Variants in DNAJB4 observed in about 807,000 individuals in gnomAD.
DNAJB4 encodes DnaJ heat shock protein family (Hsp40) member B4.
DNAJB4 carries 10 observed loss-of-function variants against 26.6 expected under a neutral mutation model. The observed-to-expected ratio is 0.38, with a 90% CI of 0.23 to 0.64. The LOEUF is 0.64. DNAJB4 is among the 30% of genes least tolerant of loss of function. The pLI, the probability that DNAJB4 is intolerant of heterozygous loss-of-function variation, is 0.58. For synonymous variants in DNAJB4, 136 were observed against 134.8 expected (o/e 1.01, Z -0.06); for missense variants, 328 against 408.2 (o/e 0.80, Z 1.69).
intron 1 of DNAJB4, 61 bp downstream of exon 1, chr1:78,005,382 C>G: frequency 7.2e-7 from 1 of 1,389,306 alleles, no homozygotes. Context: ...TTTTTTCTCT[C>G]TCTCTGCCAG....
At chr1:77,982,036 A>G (rs1024144696) in intron 1 of DNAJB4, among the ~76,000 whole-genome samples, 17 of 152,240 alleles carry the variant, frequency 1.1e-4, no homozygotes, top group African/African-American at 4.1e-4. Flanking sequence ...TGTTAGATTG[A>G]AAGTTTGGGA....
In DNAJB4 at chr1:78,016,080, G is replaced by T; in HGVS notation, c.847G>T (p.Asp283Tyr). Residue 283 changes from aspartate to tyrosine, a missense_variant, in exon 3 of 3, where the codon GAT becomes TAT. Coordinates refer to ENST00000370763, the MANE Select transcript of DNAJB4 (RefSeq NM_007034.5). ...AAGAAACATACCTATGTCAGTAAAT[G>T]ATATTGTGAAACCCGGAATGAGGAG... Reference protein sequence around the residue: ...DGRNIPMSVNDIVKPGMRRRI... With the variant: ...DGRNIPMSVNYIVKPGMRRRI... 1 of 1,614,062 alleles carries T rather than the reference G, an allele frequency of 6.2e-7. No homozygotes were observed. Among genetic ancestry groups the T allele is most frequent in the Non-Finnish European group, 8.5e-7 (1 of 1,180,006 alleles).
At position 78,017,314 on chromosome 1, in the gene DNAJB4, A is replaced by T. The variant is rs950494336; in HGVS notation, c.*1067A>T. 6.6e-6 allele frequency: 1 copy of T among 151,850 alleles called. No homozygotes were observed. The highest frequency in any genetic ancestry group is 1.5e-5 in the Non-Finnish European group (1 of 67,888). 9.4% of individuals were successfully genotyped at this position (151,850 alleles called of 1,614,324 possible). A position where few individuals can be genotyped will look rare whatever the true frequency, so the allele number is the denominator to read the frequency against. ...TTTTAAATATATTTATGTTTTAAAAATTTAGTTTTGTTTTCTGTTTTATAA... is the reference window on the plus strand; with the variant it reads ...TTTTAAATATATTTATGTTTTAAAATTTTAGTTTTGTTTTCTGTTTTATAA... On this transcript the variant is annotated 3_prime_UTR_variant, in exon 3 of 3. Coordinates refer to ENST00000370763, the MANE Select transcript of DNAJB4 (RefSeq NM_007034.5).
intron 1 of DNAJB4, among the ~76,000 whole-genome samples, chr1:77,996,226 C>T (rs569731034): frequency 6.6e-6 from 1 of 152,026 alleles, no homozygotes; most frequent in Non-Finnish European, 1.5e-5. Flanking sequence ...GATCACGGCT[C>T]ACCTGCAGCC....
At chr1:77,998,536 G>C (rs993942546) in intron 1 of DNAJB4, among the ~76,000 whole-genome samples, 1 of 152,168 alleles carries the variant, frequency 6.6e-6, no homozygotes, top group African/African-American at 2.4e-5. Context: ...AAGGTAAGAA[G>C]TGAATCTCTT....
chr1:77,981,931 A>G (rs1424654720), intron 1 of DNAJB4, among the ~76,000 whole-genome samples: 3 of 152,224 alleles, frequency 2.0e-5, no homozygotes, highest in South Asian at 2.1e-4. Flanking sequence ...TAGGATATAT[A>G]GGAAATAGAT....
At chr1:78,012,661 T>C (rs1478993671) in intron 1 of DNAJB4, among the ~76,000 whole-genome samples, 8 of 151,888 alleles carry the variant, frequency 5.3e-5, no homozygotes, top group Non-Finnish European at 1.2e-4. Flanking sequence ...AATACAAAAT[T>C]AGCCGGGCGT....
At chr1:77,987,645 T>C (rs2102588995) in intron 1 of DNAJB4, among the ~76,000 whole-genome samples, 1 of 152,302 alleles carries the variant, frequency 6.6e-6, no homozygotes, top group African/African-American at 2.4e-5. Context: ...AAGTCTGTTC[T>C]GTGTTTGCTG....
chr1:78,003,808 T>C (rs1016558311), upstream of DNAJB4, among the ~76,000 whole-genome samples: 1 of 152,152 alleles, frequency 6.6e-6, no homozygotes, highest in Non-Finnish European at 1.5e-5. Flanking sequence ...ATGATCTAAC[T>C]TTGTTAACAA....
At chr1:78,005,500 A>G (rs971578303) in intron 1 of DNAJB4, among the ~76,000 whole-genome samples, 179 bp downstream of exon 1, 1 of 152,218 alleles carries the variant, frequency 6.6e-6, no homozygotes, top group African/African-American at 2.4e-5. Flanking sequence ...ATCTCTGATC[A>G]TATGAATGAG....
At position 78,013,351 on chromosome 1, in the gene DNAJB4, T is replaced by A; in HGVS notation, c.512T>A (p.Ile171Lys). 6.2e-7 allele frequency: 1 copy of A among 1,614,144 alleles called. No individual in the cohort carries two copies. The highest frequency in any genetic ancestry group is 8.5e-7 in the Non-Finnish European group (1 of 1,180,030). Residue 171 changes from isoleucine (I) to lysine (K), a missense_variant, in exon 2 of 3, where the codon ATA (isoleucine) becomes AAA (lysine). Transcript: ENST00000370763. The part of the protein sequence containing the change: ...IHELRVSLEE[I>K]YSGCTKRMKI... ...GAACTTAGAGTATCACTTGAAGAGA[T>A]ATATAGTGGTTGTACCAAACGGATG...
intron 1 of DNAJB4, chr1:77,981,363 C>T (rs1353926536): frequency 6.6e-6 from 1 of 151,654 alleles, no homozygotes; most frequent in Non-Finnish European, 1.5e-5. Flanking sequence ...GTCACCCAGA[C>T]TGGAGTGCAG....
At chr1:77,998,621 C>T (rs1660119812) in intron 1 of DNAJB4, among the ~76,000 whole-genome samples, 1 of 152,112 alleles carries the variant, frequency 6.6e-6, no homozygotes, top group East Asian at 1.9e-4. Flanking sequence ...GGGTGGATCG[C>T]TTAAGCCCAG....
At chr1:78,002,419 A>T (rs145972861), upstream of DNAJB4, among the ~76,000 whole-genome samples, 32 of 152,340 alleles carry the variant, frequency 2.1e-4, no homozygotes, top group East Asian at 5.6e-3. Flanking sequence ...AGGTGAATGT[A>T]AGGGTAAAAT....
intron 1 of DNAJB4, among the ~76,000 whole-genome samples, chr1:77,985,508 G>C (rs1213054514): frequency 6.6e-6 from 1 of 152,066 alleles, no homozygotes; most frequent in African/African-American, 2.4e-5. Flanking sequence ...GTTTATGCCA[G>C]GTTATCTAAT....
chr1:78,016,244 A>G lies in DNAJB4; in HGVS notation c.1011A>G (p.Ser337=), dbSNP rs1312262667. Residue 337 remains serine, a synonymous_variant, in exon 3 of 3, where the codon TCA becomes TCG. Transcript: ENST00000370763. ...TACTTAGGAAACATCTTCCTGCCTC[A>G]TAGAATGAAGAACTTTGTTACACAT... ...KEVLRKHLPA[S] 6.2e-7 allele frequency: 1 copy of G among 1,611,658 alleles called. No individual in the cohort carries two copies. Among genetic ancestry groups the G allele is most frequent in the Non-Finnish European group, 8.5e-7 (1 of 1,178,396 alleles).
Position 78,005,288 on chromosome 1 carries a change from AAG to A in DNAJB4, c.184_185del (p.Glu62AsnfsTer3), listed in dbSNP as rs1429127171. ...TTATGAAGTATTGAGTGATCCTAAA[AAG>A]AGAGAAATATATGATCAGTTTGGGG... ...EAYEVLSDPK[K>X]REIYDQFGEE... On this transcript the variant is annotated frameshift_variant, in exon 1 of 3. Coordinates refer to ENST00000370763, the MANE Select transcript of DNAJB4 (RefSeq NM_007034.5). LOFTEE classifies it high-confidence loss of function. 1.9e-6 allele frequency: 3 copies of A among 1,613,940 alleles called. No homozygotes were observed. The highest frequency in any genetic ancestry group is 1.3e-5 in the African/African-American group (1 of 75,034).
At chr1:77,982,671 G>A (rs1330426437) in intron 1 of DNAJB4, among the ~76,000 whole-genome samples, 1 of 152,176 alleles carries the variant, frequency 6.6e-6, no homozygotes, top group Non-Finnish European at 1.5e-5. Flanking sequence ...GGTAGCGGAC[G>A]CCTGTAATCC....
At chr1:77,988,954 C>T (rs1659867325) in intron 1 of DNAJB4, among the ~76,000 whole-genome samples, 1 of 152,088 alleles carries the variant, frequency 6.6e-6, no homozygotes, top group Non-Finnish European at 1.5e-5. Flanking sequence ...CAGCTGGGTC[C>T]TTAGTGGGAT....
Sources: allele counts gnomAD v4.1 joint callset (sites outside exome capture counted in the v4.1 genomes callset), GRCh38; gene constraint gnomAD v4.1.1; transcripts MANE v1.5; gene names NCBI Gene and HGNC (gene_info 2026-07-23, HGNC 2026-07-21).